Variants in LRRC4C observed in about 807,000 individuals in gnomAD.
LRRC4C encodes the protein leucine-rich repeat-containing protein 4C.
In LRRC4C, 5 loss-of-function variants were observed where a neutral mutation model predicts 33.6. The observed-to-expected ratio is 0.15, with a 90% CI of 0.08 to 0.31. The LOEUF (loss-of-function observed/expected upper bound fraction) is 0.31. Among genes scored for constraint, LRRC4C ranks in the 10% least tolerant of loss-of-function variants. The pLI, the probability that LRRC4C is intolerant of heterozygous loss-of-function variation, is 1.00. For synonymous variants in LRRC4C, 329 were observed against 302.0 expected, an observed-to-expected ratio of 1.09 and a Z score of -0.93; for missense variants, 560 against 796.7, an observed-to-expected ratio of 0.70 and a Z score of 3.58.
intron 3 of LRRC4C, among the ~76,000 whole-genome samples, chr11:40,619,751 T>C (rs969186436): frequency 1.3e-5 from 2 of 151,596 alleles, no homozygotes; most frequent in African/African-American, 4.8e-5. Flanking sequence ...AACAGAAATG[T>C]ACATTTCTCA....
intron 1 of LRRC4C, among the ~76,000 whole-genome samples, chr11:41,021,194 AGAGAGAGAGAGAGAGAGAGAGT>A (rs1243077001): frequency 5.7e-5 from 4 of 70,300 alleles, no homozygotes; most frequent in African/African-American, 2.5e-4. Flanking sequence ...AGAGAGAGAG[AGAGAGAGAGAGAGAGAGAGAGT>A]GTGTGTGTGT....
chr11:41,003,583 T>C (rs1854531772), intron 1 of LRRC4C, among the ~76,000 whole-genome samples: 1 of 152,086 alleles, frequency 6.6e-6, no homozygotes, highest in Non-Finnish European at 1.5e-5. Context: ...TTTTTTCCCA[T>C]ATCCAATTCC....
At chr11:40,741,852 T>C (rs998999085) in intron 2 of LRRC4C, among the ~76,000 whole-genome samples, 13 of 152,010 alleles carry the variant, frequency 8.6e-5, no homozygotes, top group Admixed American at 2.0e-4. Flanking sequence ...ATTTATGCTC[T>C]TCATTATAAA....
At chr11:41,306,187 T>G (rs1209515853) in intron 1 of LRRC4C, among the ~76,000 whole-genome samples, 2 of 152,144 alleles carry the variant, frequency 1.3e-5, no homozygotes, top group African/African-American at 4.8e-5. Flanking sequence ...CAAGTAAAAT[T>G]TGTCTTGTCT....
intron 3 of LRRC4C, among the ~76,000 whole-genome samples, chr11:40,634,890 T>TGAAAAAA (rs1471132180): frequency 6.6e-6 from 1 of 151,132 alleles, no homozygotes; most frequent in African/African-American, 2.4e-5. Context: ...ACACTGTCTG[T>TGAAAAAA]GAAAAAAGAA....
At chr11:41,302,164 C>T (rs901816606) in intron 1 of LRRC4C, among the ~76,000 whole-genome samples, 3 of 152,108 alleles carry the variant, frequency 2.0e-5, no homozygotes, top group Non-Finnish European at 4.4e-5. Context: ...GATACAATGC[C>T]TGCCTTCTCA....
At chr11:40,875,499 C>T (rs1954841714) in intron 2 of LRRC4C, among the ~76,000 whole-genome samples, 1 of 152,132 alleles carries the variant, frequency 6.6e-6, no homozygotes, top group Non-Finnish European at 1.5e-5. Context: ...TCTCAACGTT[C>T]CCAACAGAGT....
At chr11:40,546,010 T>C (rs12294472) in intron 3 of LRRC4C, among the ~76,000 whole-genome samples, 16,374 of 151,962 alleles carry the variant, frequency 0.11, 1,903 homozygotes, top group African/African-American at 0.29. Flanking sequence ...AGAAATGTGA[T>C]GGCAAATATA....
intron 3 of LRRC4C, among the ~76,000 whole-genome samples, chr11:40,410,386 T>C (rs147414303): frequency 4.7e-4 from 72 of 152,220 alleles, no homozygotes; most frequent in African/African-American, 1.6e-3. Context: ...AAGTTTAATA[T>C]GTAATTTACT....
At chr11:40,635,274 A>G (rs1316115413) in intron 3 of LRRC4C, among the ~76,000 whole-genome samples, 2 of 152,172 alleles carry the variant, frequency 1.3e-5, no homozygotes, top group Non-Finnish European at 2.9e-5. Flanking sequence ...ATGAATTTAA[A>G]TCTCAATTAT....
chr11:40,831,034 C>G (rs922326798), intron 2 of LRRC4C, among the ~76,000 whole-genome samples: 10 of 152,062 alleles, frequency 6.6e-5, no homozygotes, highest in Non-Finnish European at 1.3e-4. Context: ...AACACTGATA[C>G]TTTACTTAGT....
chr11:40,891,642 A>G (rs1250487424), intron 2 of LRRC4C, among the ~76,000 whole-genome samples: 3 of 152,250 alleles, frequency 2.0e-5, no homozygotes, highest in African/African-American at 7.2e-5. Flanking sequence ...GCAGACAGAT[A>G]TATAAAAATG....
intron 3 of LRRC4C, among the ~76,000 whole-genome samples, chr11:40,383,012 A>G (rs1031747568): frequency 6.6e-6 from 1 of 152,006 alleles, no homozygotes; most frequent in Non-Finnish European, 1.5e-5. Context: ...CTCTTTGACT[A>G]ATACCTCCCA....
chr11:40,496,280 A>G (rs1954453734), intron 3 of LRRC4C, among the ~76,000 whole-genome samples: 1 of 152,106 alleles, frequency 6.6e-6, no homozygotes, highest in African/African-American at 2.4e-5. Flanking sequence ...GTTGTCTTTC[A>G]TTTGATCACA....
At chr11:40,986,241 A>T (rs1852985385) in intron 1 of LRRC4C, among the ~76,000 whole-genome samples, 1 of 152,106 alleles carries the variant, frequency 6.6e-6, no homozygotes, top group Non-Finnish European at 1.5e-5. Flanking sequence ...TGGGGGAAAA[A>T]GTTGGTAAAG....
intron 1 of LRRC4C, among the ~76,000 whole-genome samples, chr11:41,115,995 C>T (rs1469230153): frequency 6.6e-6 from 1 of 152,098 alleles, no homozygotes; most frequent in Non-Finnish European, 1.5e-5. Flanking sequence ...TTCCCCTTTC[C>T]ACCATGAGAG....
intron 4 of LRRC4C, chr11:40,292,358 C>T (rs974407301): frequency 1.3e-5 from 2 of 152,132 alleles, no homozygotes; most frequent in African/African-American, 4.8e-5. Flanking sequence ...AACATAGGCA[C>T]AAATCCAACT....
At chr11:40,767,442 T>C (rs891190090) in intron 2 of LRRC4C, among the ~76,000 whole-genome samples, 1 of 151,986 alleles carries the variant, frequency 6.6e-6, no homozygotes, top group Admixed American at 6.6e-5. Flanking sequence ...TAAAGAAACC[T>C]CAGACATAAT....
At chr11:40,443,677 T>C (rs1287036112) in intron 3 of LRRC4C, among the ~76,000 whole-genome samples, 1 of 152,194 alleles carries the variant, frequency 6.6e-6, no homozygotes, top group Non-Finnish European at 1.5e-5. Flanking sequence ...GATTGGAGTG[T>C]TACCATTGCA....
Sources: allele counts gnomAD v4.1 joint callset (sites outside exome capture counted in the v4.1 genomes callset), GRCh38; gene constraint gnomAD v4.1.1; transcripts MANE v1.5; gene names NCBI Gene and HGNC (gene_info 2026-07-23, HGNC 2026-07-21).